SAMD12: variants seen among roughly 807,000 people sequenced by gnomAD.
The protein encoded by SAMD12 is sterile alpha motif domain containing 12.
Under a neutral mutation model 15.0 loss-of-function variants are expected in SAMD12, and 9 were observed. That is an observed-to-expected ratio of 0.60 (90% CI 0.36 to 1.05). The LOEUF (loss-of-function observed/expected upper bound fraction) is 1.05. SAMD12 is among the 50% of genes least tolerant of loss of function. The pLI, the probability that SAMD12 is intolerant of heterozygous loss-of-function variation, is 0.01. For missense variants in SAMD12, 230 were observed against 234.2 expected (o/e 0.98, Z 0.12); for synonymous variants, 86 against 90.1 (o/e 0.96, Z 0.25).
intron 4 of SAMD12, among the ~76,000 whole-genome samples, chr8:118,359,316 G>A (rs1389738120): frequency 1.3e-5 from 2 of 152,150 alleles, no homozygotes. Flanking sequence ...AGAAACCAAT[G>A]CTGCCAACGC....
intron 2 of SAMD12, among the ~76,000 whole-genome samples, chr8:118,538,523 C>A (rs1223802227): frequency 6.6e-6 from 1 of 152,194 alleles, no homozygotes; most frequent in African/African-American, 2.4e-5. Context: ...TTGCTTTCCA[C>A]TGTGACAGGG....
chr8:118,272,180 C>T (rs1358857461), intron 4 of SAMD12, among the ~76,000 whole-genome samples: 1 of 152,226 alleles, frequency 6.6e-6, no homozygotes, highest in East Asian at 1.9e-4. Flanking sequence ...GTTTCCAAAC[C>T]TTAATTCTTG....
At chr8:118,179,573 T>G in the SAMD12 span, among the ~76,000 whole-genome samples, 2 of 152,232 alleles carry the variant, frequency 1.3e-5, no homozygotes, top group Non-Finnish European at 2.9e-5. Context: ...TATCTTCTTT[T>G]AGAGCTCTCT....
intron 2 of SAMD12, among the ~76,000 whole-genome samples, chr8:118,549,798 T>C (rs1826264305): frequency 6.6e-6 from 1 of 152,046 alleles, no homozygotes; most frequent in Non-Finnish European, 1.5e-5. Flanking sequence ...TAGACGAATG[T>C]ATAACTAGAA....
At chr8:118,273,989 C>T (rs1201574744) in intron 4 of SAMD12, among the ~76,000 whole-genome samples, 3 of 152,322 alleles carry the variant, frequency 2.0e-5, no homozygotes, top group East Asian at 1.9e-4. Flanking sequence ...TAAGGTATTG[C>T]ATTTCTTAAT....
chr8:118,318,293 AT>A (rs1181720903), intron 4 of SAMD12, among the ~76,000 whole-genome samples: 13 of 136,894 alleles, frequency 9.5e-5, no homozygotes, highest in Admixed American at 3.0e-4. Context: ...GATTAAAAAA[AT>A]ATGGGAGATA....
intron 4 of SAMD12, among the ~76,000 whole-genome samples, chr8:118,208,628 A>G (rs1011822523): frequency 6.6e-6 from 1 of 152,260 alleles, no homozygotes; most frequent in Admixed American, 6.5e-5. Context: ...GGCAGCCATT[A>G]GCCACATGTG....
chr8:118,169,380 C>A, the SAMD12 span, among the ~76,000 whole-genome samples: 34 of 152,174 alleles, frequency 2.2e-4, no homozygotes, highest in Middle Eastern at 6.8e-3. Context: ...TAGTTTGGTT[C>A]TATTATTGTT....
intron 4 of SAMD12, among the ~76,000 whole-genome samples, chr8:118,356,908 T>C (rs1203075288): frequency 6.6e-6 from 1 of 152,300 alleles, no homozygotes; most frequent in Admixed American, 6.5e-5. Flanking sequence ...CCAAGTTCTA[T>C]TGATCCTATC....
At chr8:118,270,247 G>T (rs932362676) in intron 4 of SAMD12, among the ~76,000 whole-genome samples, 2 of 152,232 alleles carry the variant, frequency 1.3e-5, no homozygotes, top group Admixed American at 6.5e-5. Context: ...AATAACATTA[G>T]CCAAAATACC....
chr8:118,406,039 G>A (rs1821114033), intron 3 of SAMD12, among the ~76,000 whole-genome samples: 1 of 152,088 alleles, frequency 6.6e-6, no homozygotes, highest in Non-Finnish European at 1.5e-5. Flanking sequence ...AGGAGGCTGA[G>A]AAATGTTGGT....
exon 5 of SAMD12, chr8:118,193,123 G>A (rs1022983900): frequency 1.3e-5 from 2 of 152,186 alleles, no homozygotes; most frequent in Non-Finnish European, 2.9e-5. Context: ...AACAGTGCTT[G>A]CTCTCACCCA....
At chr8:118,342,151 G>A (rs1269400156) in intron 4 of SAMD12, among the ~76,000 whole-genome samples, 2 of 152,122 alleles carry the variant, frequency 1.3e-5, no homozygotes, top group Non-Finnish European at 2.9e-5. Context: ...AATTAGCCAG[G>A]CTTGGTGGCA....
intron 4 of SAMD12, among the ~76,000 whole-genome samples, chr8:118,223,918 A>C (rs775826956): frequency 8.5e-5 from 13 of 152,174 alleles, no homozygotes; most frequent in Non-Finnish European, 1.5e-4. Context: ...CACCAGTGAA[A>C]CACAGAGTGG....
At chr8:118,525,922 C>T (rs1825525383) in intron 2 of SAMD12, among the ~76,000 whole-genome samples, 1 of 152,190 alleles carries the variant, frequency 6.6e-6, no homozygotes, top group Non-Finnish European at 1.5e-5. Context: ...TAATGTCACC[C>T]AGCTTTGTTG....
intron 2 of SAMD12, among the ~76,000 whole-genome samples, chr8:118,502,271 G>C (rs1313438250): frequency 6.6e-6 from 1 of 152,140 alleles, no homozygotes; most frequent in Non-Finnish European, 1.5e-5. Context: ...ATTTGAACTT[G>C]TAACATCTTT....
At chr8:118,145,309 A>G in the SAMD12 span, among the ~76,000 whole-genome samples, 15 of 152,210 alleles carry the variant, frequency 9.9e-5, no homozygotes, top group Non-Finnish European at 2.1e-4. Context: ...ATGCTCAATT[A>G]TGTCATTCTT....
intron 4 of SAMD12, among the ~76,000 whole-genome samples, chr8:118,361,204 T>A (rs1818482838): frequency 6.6e-6 from 1 of 152,240 alleles, no homozygotes; most frequent in Non-Finnish European, 1.5e-5. Context: ...CTTAATGCAA[T>A]TAATAACTTA....
At chr8:118,196,789 C>T (rs2129753869) in exon 5 of SAMD12, 1 of 152,280 alleles carries the variant, frequency 6.6e-6, no homozygotes, top group South Asian at 2.1e-4. Context: ...AGAATACCAT[C>T]CCCTTTTTTC....
Sources: allele counts gnomAD v4.1 joint callset (sites outside exome capture counted in the v4.1 genomes callset), GRCh38; gene constraint gnomAD v4.1.1; transcripts MANE v1.5; gene names NCBI Gene and HGNC (gene_info 2026-07-23, HGNC 2026-07-21).